The following ITGB6 variants were observed in gnomAD, a reference collection of about 807,000 sequenced individuals.
The protein encoded by ITGB6 is integrin subunit beta 6.
A neutral mutation model predicts 84.5 loss-of-function variants in ITGB6; 80 were observed. That is an observed-to-expected ratio of 0.95 (90% confidence interval 0.79 to 1.14). The LOEUF (loss-of-function observed/expected upper bound fraction) is 1.14, where lower values mean the gene tolerates loss of function less well. Ranked by LOEUF, ITGB6 falls within the 50% of genes most tolerant of loss-of-function variation. The pLI, the probability that ITGB6 is intolerant of heterozygous loss-of-function variation, is 0.00. For missense variants in ITGB6, 1,006 were observed against 968.0 expected (o/e 1.04, Z -0.52); for synonymous variants, 383 against 354.9 (o/e 1.08, Z -0.89).
intron 7 of ITGB6, among the ~76,000 whole-genome samples, chr2:160,145,612 G>T (rs1684155746): frequency 6.6e-6 from 1 of 152,148 alleles, no homozygotes; most frequent in Non-Finnish European, 1.5e-5. Flanking sequence ...CACATCCTGG[G>T]CTCCTCTCAG....
chr2:160,135,339 C>T, intron 10 of ITGB6, among the ~76,000 whole-genome samples: 1 of 151,978 alleles, frequency 6.6e-6, no homozygotes, highest in South Asian at 2.1e-4. Context: ...AGGAATCCAA[C>T]TTACAAGGGA....
At chr2:160,115,887 C>T (rs11838952) in intron 12 of ITGB6, among the ~76,000 whole-genome samples, 7 of 151,452 alleles carry the variant, frequency 4.6e-5, no homozygotes, top group Admixed American at 3.3e-4. Flanking sequence ...GGAACTGATG[C>T]GATCAACTGG....
rs770284828 is a variant in ITGB6, at chr2:160,126,512, C to T, written c.1750G>A (p.Val584Ile). The T allele has an allele frequency of 5.6e-6, 9 of 1,614,140 alleles. No homozygotes were observed. Among genetic ancestry groups the T allele is most frequent in the South Asian group, 1.1e-5 (1 of 91,082 alleles). ...CTGCAGAGCACTCCATCTTCAGAGACGCAGGAGTCCGTGCTGGTGGTGCAG... is the reference window on the plus strand; with the variant it reads ...CTGCAGAGCACTCCATCTTCAGAGATGCAGGAGTCCGTGCTGGTGGTGCAG... ...CNCTTSTDSC[V>I]SEDGVLCSGR... Residue 584 changes from valine (V) to isoleucine (I), a missense_variant, in exon 11 of 15, where the codon GTC (valine) becomes ATC (isoleucine). By Grantham distance (29) the Val-to-Ile change is conservative. Transcript: ENST00000283249.
At chr2:160,107,553 T>G in intron 14 of ITGB6, 126 bp downstream of exon 14, 1 of 824,334 alleles carries the variant, frequency 1.2e-6, no homozygotes. Flanking sequence ...GTTGGAGTCA[T>G]GGCGAGAGTG....
intron 7 of ITGB6, among the ~76,000 whole-genome samples, chr2:160,157,748 C>CAAAAAAAAAA (rs11364475): frequency 1.2e-5 from 1 of 84,144 alleles, no homozygotes; most frequent in Admixed American, 1.4e-4. Flanking sequence ...AGCACAGAGG[C>CAAAAAAAAAA]AAAAAAAAAA....
At chr2:160,174,958 A>T (rs1210081761) in intron 4 of ITGB6, among the ~76,000 whole-genome samples, 1 of 152,178 alleles carries the variant, frequency 6.6e-6, no homozygotes, top group African/African-American at 2.4e-5. Flanking sequence ...CTGAACCCCT[A>T]CCCAAGACCT....
chr2:160,143,257 C>T, intron 7 of ITGB6, among the ~76,000 whole-genome samples: 1 of 152,042 alleles, frequency 6.6e-6, no homozygotes, highest in East Asian at 1.9e-4. Context: ...TGCACTCCAG[C>T]CTGGGTGACA....
At chr2:160,186,760 A>G (rs1461756015) in intron 4 of ITGB6, among the ~76,000 whole-genome samples, 1 of 152,238 alleles carries the variant, frequency 6.6e-6, no homozygotes, top group African/African-American at 2.4e-5. Flanking sequence ...TATGGCACAT[A>G]TACACCATGG....
chr2:160,142,876 T>C (rs1202239799), intron 7 of ITGB6, among the ~76,000 whole-genome samples: 2 of 152,244 alleles, frequency 1.3e-5, no homozygotes, highest in African/African-American at 4.8e-5. Context: ...TTAAATTTTG[T>C]TGTTTTCAAA....
At chr2:160,115,087 A>G (rs4665158) in intron 12 of ITGB6, among the ~76,000 whole-genome samples, 29,203 of 152,120 alleles carry the variant, frequency 0.19, 3,085 homozygotes, top group Admixed American at 0.32. Context: ...CAGACAAACA[A>G]AAAGACAGCA....
intron 13 of ITGB6, among the ~76,000 whole-genome samples, chr2:160,109,350 T>A (rs1697030887): frequency 6.6e-6 from 1 of 152,144 alleles, no homozygotes; most frequent in African/African-American, 2.4e-5. Context: ...TTCCTGCAAA[T>A]AAAGCGGCAG....
intron 7 of ITGB6, among the ~76,000 whole-genome samples, chr2:160,145,095 T>C (rs1559149080): frequency 6.6e-6 from 1 of 152,372 alleles, no homozygotes; most frequent in East Asian, 1.9e-4. Flanking sequence ...CATTAAAGTC[T>C]TAACGCACTA....
At position 160,099,952 on chromosome 2, in the gene ITGB6, G is replaced by T. The variant is rs1320424529; in HGVS notation, c.*1784C>A. The T allele has an allele frequency of 1.3e-5, 2 of 152,192 alleles. No homozygotes were observed. Among genetic ancestry groups the T allele is most frequent in the Non-Finnish European group, 2.9e-5 (2 of 68,042 alleles). 9.4% of individuals were successfully genotyped at this position (152,192 alleles called of 1,614,324 possible). A position where few individuals can be genotyped will look rare whatever the true frequency, so the allele number is the denominator to read the frequency against. ...CAACAGTAAGTCCACGTAGAGGAGAGGATTGCTGTTGTGTTATCAGCATTG... is the reference window on the plus strand; with the variant it reads ...CAACAGTAAGTCCACGTAGAGGAGATGATTGCTGTTGTGTTATCAGCATTG... On this transcript the variant is annotated 3_prime_UTR_variant, in exon 15 of 15. Coordinates refer to ENST00000283249, the MANE Select transcript of ITGB6 (RefSeq NM_000888.5).
chr2:160,116,677 T>C (rs980221728), intron 12 of ITGB6, among the ~76,000 whole-genome samples: 1 of 152,188 alleles, frequency 6.6e-6, no homozygotes, highest in Non-Finnish European at 1.5e-5. Flanking sequence ...TAACTTTAAA[T>C]GTAAATGGGC....
In ITGB6 at chr2:160,162,556, G is replaced by A. The variant is rs189115297; in HGVS notation, c.1017+6656C>T. Among the ~76,000 whole-genome samples, 383 of 152,170 alleles carry A rather than the reference G, an allele frequency of 2.5e-3. 1 individual carries two copies. Among genetic ancestry groups the A allele is most frequent in the African/African-American group, 8.7e-3 (360 of 41,514 alleles). ...GTTTCATTTGTTTAAAAAATCCAAA[G>A]CAAATATGGTGGCAAAATGTTAAAA... is the stretch of plus-strand genomic sequence containing the variant. On this transcript the variant is annotated intron_variant, in intron 7 of 14. Transcript: ENST00000283249.
intron 4 of ITGB6, among the ~76,000 whole-genome samples, chr2:160,175,726 T>C (rs1297629674): frequency 6.6e-6 from 1 of 152,254 alleles, no homozygotes; most frequent in Non-Finnish European, 1.5e-5. Context: ...GTTCAATGTT[T>C]ATAATTCAAT....
intron 10 of ITGB6, 93 bp downstream of exon 10, chr2:160,137,341 C>T: frequency 3.4e-6 from 4 of 1,190,790 alleles, no homozygotes; most frequent in Non-Finnish European, 4.8e-6. Context: ...TGAGCACCTA[C>T]TGTGCCCAGG....
intron 7 of ITGB6, among the ~76,000 whole-genome samples, chr2:160,160,887 C>T (rs1402402433): frequency 2.0e-5 from 3 of 152,170 alleles, no homozygotes; most frequent in African/African-American, 7.2e-5. Flanking sequence ...TGCCCTTGTG[C>T]TGTGAGACCC....
rs374113383 is a variant in ITGB6, at chr2:160,133,000, C to T, written c.1660+4434G>A. 3.9e-5 allele frequency among the ~76,000 whole-genome samples: 6 copies of T among 152,166 alleles called. No individual in the cohort carries two copies. The South Asian group carries it at 1.2e-3, about 32-fold the overall frequency. On this transcript the variant is annotated intron_variant, in intron 10 of 14. Transcript: ENST00000283249. Reference sequence around the variant, plus strand: ...TAAATATTTGTGGAATGAGTGAAGGCCCTGAAAGCCCATTTAATATATTTT... The same window carrying T: ...TAAATATTTGTGGAATGAGTGAAGGTCCTGAAAGCCCATTTAATATATTTT...
Sources: allele counts gnomAD v4.1 joint callset (sites outside exome capture counted in the v4.1 genomes callset), GRCh38; gene constraint gnomAD v4.1.1; transcripts MANE v1.5; gene names NCBI Gene and HGNC (gene_info 2026-07-23, HGNC 2026-07-21).